RBFOX1: variants seen among roughly 807,000 people sequenced by gnomAD.
RBFOX1 encodes the protein RNA binding protein fox-1 homolog 1.
RBFOX1 carries 8 observed loss-of-function variants against 57.7 expected under a neutral mutation model. The ratio of observed to expected loss-of-function variants is 0.14; its 90% CI spans 0.08 to 0.25. The LOEUF (loss-of-function observed/expected upper bound fraction) is 0.25, where lower values mean the gene tolerates loss of function less well. Ranked by LOEUF, RBFOX1 falls within the 10% of genes least tolerant of loss-of-function variation. RBFOX1 has a pLI of 1.00. For synonymous variants in RBFOX1, 326 were observed against 222.4 expected (o/e 1.47, Z -4.15); for missense variants, 611 against 548.5 (o/e 1.11, Z -1.14).
chr16:6,489,318 G>A (rs1030562971), intron 2 of RBFOX1, among the ~76,000 whole-genome samples: 8 of 152,098 alleles, frequency 5.3e-5, no homozygotes, highest in African/African-American at 9.7e-5. Context: ...TGGCACATAG[G>A]TTTATTGGTT....
chr16:6,307,992 GGTT>G (rs1218022511), intron 1 of RBFOX1, among the ~76,000 whole-genome samples: 2 of 148,598 alleles, frequency 1.3e-5, no homozygotes, highest in African/African-American at 4.9e-5. Flanking sequence ...TATTCGCTTA[GGTT>G]GTTATTTACA....
chr16:5,987,559 GGGGCATGT>G (rs1289230298), intron 4 of RBFOX1, among the ~76,000 whole-genome samples: 10 of 152,052 alleles, frequency 6.6e-5, no homozygotes, highest in Non-Finnish European at 1.3e-4. Context: ...GCGGGGCACA[GGGGCATGT>G]GGGCATGTGC....
At chr16:6,442,083 C>A (rs557771982) in intron 2 of RBFOX1, among the ~76,000 whole-genome samples, 47 of 152,292 alleles carry the variant, frequency 3.1e-4, no homozygotes, top group African/African-American at 1.1e-3. Context: ...TATCTAACAA[C>A]CTTCCCTCAC....
intron 1 of RBFOX1, among the ~76,000 whole-genome samples, chr16:5,285,943 T>C (rs2063383771): frequency 6.6e-6 from 1 of 152,112 alleles, no homozygotes; most frequent in Non-Finnish European, 1.5e-5. Context: ...GGCTAATTTT[T>C]ATATTTTTAG....
intron 2 of RBFOX1, among the ~76,000 whole-genome samples, chr16:6,418,046 A>G (rs945669317): frequency 3.3e-5 from 5 of 152,242 alleles, no homozygotes; most frequent in Non-Finnish European, 5.9e-5. Flanking sequence ...CAAACAAGTT[A>G]TACTGAACCC....
intron 4 of RBFOX1, among the ~76,000 whole-genome samples, chr16:7,421,814 G>T (rs1203378958): frequency 1.9e-4 from 29 of 152,314 alleles, no homozygotes; most frequent in Admixed American, 1.9e-3. Context: ...ATAATGATGG[G>T]GCACTGAATT....
chr16:7,365,693 A>G (rs992695313), intron 4 of RBFOX1, among the ~76,000 whole-genome samples: 3 of 152,214 alleles, frequency 2.0e-5, no homozygotes, highest in East Asian at 3.9e-4. Flanking sequence ...TACTTCCCAC[A>G]GTACAGAATT....
intron 4 of RBFOX1, among the ~76,000 whole-genome samples, chr16:7,360,723 C>CA (rs1002532319): frequency 1.3e-5 from 2 of 152,226 alleles, no homozygotes; most frequent in African/African-American, 4.8e-5. Flanking sequence ...TGTCAACACA[C>CA]AGCCAATGTC....
At chr16:6,284,409 T>C (rs2076692304) in intron 1 of RBFOX1, among the ~76,000 whole-genome samples, 3 of 152,142 alleles carry the variant, frequency 2.0e-5, no homozygotes. Context: ...AATGAGGCCC[T>C]CACATATAAT....
At chr16:7,047,340 A>T (rs2048325030) in intron 3 of RBFOX1, among the ~76,000 whole-genome samples, 1 of 152,072 alleles carries the variant, frequency 6.6e-6, no homozygotes, top group Non-Finnish European at 1.5e-5. Flanking sequence ...TTATTTTTTC[A>T]GTATTTCAAT....
chr16:7,274,931 G>C (rs760652444), intron 4 of RBFOX1, among the ~76,000 whole-genome samples: 1 of 152,102 alleles, frequency 6.6e-6, no homozygotes, highest in African/African-American at 2.4e-5. Flanking sequence ...TGACCTGCCT[G>C]CCTCGGCCTC....
At chr16:5,528,545 CTTTTTTTTT>C (rs755227280) in intron 2 of RBFOX1, among the ~76,000 whole-genome samples, 102 of 115,270 alleles carry the variant, frequency 8.8e-4, no homozygotes, top group African/African-American at 3.0e-3. Context: ...GACAGCTCTT[CTTTTTTTTT>C]TTTTTTTTTT....
chr16:5,544,087 C>T (rs73522737), intron 2 of RBFOX1, among the ~76,000 whole-genome samples: 6 of 152,108 alleles, frequency 3.9e-5, no homozygotes, highest in African/African-American at 1.4e-4. Flanking sequence ...GCTTACAGAG[C>T]CCACCACCCA....
In RBFOX1 at chr16:6,133,942, C is replaced by CT. The variant is rs1057053419; in HGVS notation, c.-127+113961dup. The stretch of plus-strand genomic sequence containing the variant: ...ATATAATTTGTAATTTCTTTCTTTT[C>CT]TTTTTTTTTTTGGAATTGGAGTCTC... On this transcript the variant is annotated intron_variant, in intron 1 of 15. Transcript: ENST00000550418. 2.6e-3 allele frequency among the ~76,000 whole-genome samples: 383 copies of CT among 145,556 alleles called. 2 individuals are homozygous for CT. The highest frequency in any genetic ancestry group is 6.2e-3 in the African/African-American group (247 of 40,034).
chr16:6,780,396 A>G (rs866317672), intron 3 of RBFOX1, among the ~76,000 whole-genome samples: 3 of 87,548 alleles, frequency 3.4e-5, no homozygotes, highest in African/African-American at 1.9e-4. Context: ...TATTATATAT[A>G]TTTTTATATA....
chr16:6,423,978 G>A (rs1228868256), intron 2 of RBFOX1, among the ~76,000 whole-genome samples: 3 of 152,232 alleles, frequency 2.0e-5, no homozygotes, highest in East Asian at 1.9e-4. Flanking sequence ...GGTGGCTCAC[G>A]CCTGTAATCT....
At chr16:6,115,651 T>C (rs2096489677) in intron 1 of RBFOX1, among the ~76,000 whole-genome samples, 1 of 152,222 alleles carries the variant, frequency 6.6e-6, no homozygotes, top group African/African-American at 2.4e-5. Context: ...GCAAACTTTT[T>C]CTAGAAAGAC....
chr16:5,537,725 G>T (rs1392054176), intron 2 of RBFOX1, among the ~76,000 whole-genome samples: 1 of 152,062 alleles, frequency 6.6e-6, no homozygotes, highest in Non-Finnish European at 1.5e-5. Flanking sequence ...TCATTTCTTT[G>T]ACTTTTCTCA....
intron 4 of RBFOX1, among the ~76,000 whole-genome samples, chr16:7,393,137 G>C (rs1377674321): frequency 6.6e-6 from 1 of 152,154 alleles, no homozygotes; most frequent in African/African-American, 2.4e-5. Context: ...GCCTCCTAAA[G>C]TGGTGGGATT....
Sources: allele counts gnomAD v4.1 joint callset (sites outside exome capture counted in the v4.1 genomes callset), GRCh38; gene constraint gnomAD v4.1.1; transcripts MANE v1.5; gene names NCBI Gene and HGNC (gene_info 2026-07-23, HGNC 2026-07-21).